ZDHHC21: variants seen among roughly 807,000 people sequenced by gnomAD.
ZDHHC21 encodes the protein palmitoyltransferase ZDHHC21.
ZDHHC21 carries 15 observed loss-of-function variants against 34.6 expected under a neutral mutation model. That is an observed-to-expected ratio of 0.43 (90% CI 0.29 to 0.67). The LOEUF is 0.67. Among genes scored for constraint, ZDHHC21 ranks in the 30% least tolerant of loss-of-function variants. The pLI, the probability that ZDHHC21 is intolerant of heterozygous loss-of-function variation, is 0.14. For missense variants in ZDHHC21, 344 were observed against 327.7 expected, an observed-to-expected ratio of 1.05 and a Z score of -0.38; for synonymous variants, 142 against 101.8, an observed-to-expected ratio of 1.40 and a Z score of -2.38.
chr9:14,596,460 C>T, the ZDHHC21 span, among the ~76,000 whole-genome samples: 1 of 152,216 alleles, frequency 6.6e-6, no homozygotes, highest in Non-Finnish European at 1.5e-5. Context: ...CTTCCACATA[C>T]CTACATGCTG....
At chr9:14,693,175 C>CGGATGG in intron 1 of ZDHHC21, 54 bp downstream of exon 1, 1 of 199,954 alleles carries the variant, frequency 5.0e-6, no homozygotes, top group African/African-American at 4.3e-5. Flanking sequence ...GGTGGGGGTG[C>CGGATGG]GGATGGGGAT....
At chr9:14,628,727 T>C (rs1483675995) in intron 8 of ZDHHC21, among the ~76,000 whole-genome samples, 1 of 152,176 alleles carries the variant, frequency 6.6e-6, no homozygotes, top group African/African-American at 2.4e-5. Context: ...CATGTGCAGA[T>C]GTATAATTTC....
the ZDHHC21 span, among the ~76,000 whole-genome samples, chr9:14,592,263 T>A: frequency 6.6e-6 from 1 of 152,096 alleles, no homozygotes; most frequent in South Asian, 2.1e-4. Context: ...CTCATCACAA[T>A]CTATTCTGGA....
intron 8 of ZDHHC21, among the ~76,000 whole-genome samples, chr9:14,636,102 A>C (rs1272806494): frequency 4.6e-5 from 7 of 152,238 alleles, no homozygotes; most frequent in Admixed American, 4.6e-4. Flanking sequence ...CTACATTTAA[A>C]ACATATAGAC....
intron 2 of ZDHHC21, among the ~76,000 whole-genome samples, chr9:14,685,839 T>A (rs927446164): frequency 6.6e-6 from 1 of 152,020 alleles, no homozygotes; most frequent in Admixed American, 6.5e-5. Context: ...ATTAAGAAAA[T>A]GTGGCACATT....
rs757399912 is a variant in ZDHHC21, at chr9:14,639,926, G to C, written c.591C>G (p.Leu197=). 19 of 1,605,106 alleles carry C rather than the reference G, an allele frequency of 1.2e-5. No individual in the cohort carries two copies. In the African/African-American group the frequency reaches 2.0e-4, roughly 17 times the overall value. The stretch of plus-strand genomic sequence containing the variant: ...TGATGCCAATTAGTTGAGTGTAAAA[G>C]AGTCCAGTTATTCCAACTAACATAG... ...GITMLVGITG[L]FYTQLIGIIT... The change falls in exon 8 of 10, where the codon CTC becomes CTG. Residue 197 remains leucine, a synonymous_variant. Transcript: ENST00000380916.
intron 8 of ZDHHC21, among the ~76,000 whole-genome samples, chr9:14,623,225 G>GT (rs1825617490): frequency 6.6e-6 from 1 of 151,792 alleles, no homozygotes; most frequent in Admixed American, 6.6e-5. Flanking sequence ...AAACAACATA[G>GT]TGAATGGCTG....
chr9:14,636,194 C>T (rs1441938692), intron 8 of ZDHHC21, among the ~76,000 whole-genome samples: 1 of 152,062 alleles, frequency 6.6e-6, no homozygotes, highest in African/African-American at 2.4e-5. Flanking sequence ...TGTAAAGACA[C>T]ATAGACTGAA....
At position 14,674,201 on chromosome 9, in the gene ZDHHC21, C is replaced by A. The variant is rs375522483; in HGVS notation, c.140G>T (p.Gly47Val). 4.0e-6 allele frequency: 6 copies of A among 1,509,398 alleles called. No individual in the cohort carries two copies. Among genetic ancestry groups the A allele is most frequent in the African/African-American group, 1.4e-5 (1 of 69,072 alleles). The allele number at this position is 1,509,398 out of a possible 1,614,324, so 93.5% of individuals were successfully genotyped here. ...FPHYEEGHIP[G>V]ILIIIFYGIS... is the part of the protein sequence containing the mutation. ...AAGAAACTTACTTATTATTAATATG[C>A]CTGGAATATGTCCTTCTTCATAGTG... The change falls in exon 4 of 10, where the codon GGC (glycine) becomes GTC (valine). Residue 47 changes from glycine (G) to valine (V), a missense_variant. By Grantham distance (109) the Gly-to-Val change is moderately radical. Coordinates refer to ENST00000380916, the MANE Select transcript of ZDHHC21 (RefSeq NM_178566.6).
chr9:14,609,182 A>C (rs112547534), downstream of ZDHHC21, among the ~76,000 whole-genome samples: 2 of 148,990 alleles, frequency 1.3e-5, no homozygotes, highest in African/African-American at 5.0e-5. Context: ...ACAGCAAAAA[A>C]CCATTAATTT....
intron 3 of ZDHHC21, among the ~76,000 whole-genome samples, chr9:14,679,661 G>T (rs148415670): frequency 1.3e-5 from 2 of 152,186 alleles, no homozygotes; most frequent in South Asian, 2.1e-4. Context: ...TAACCTAAGA[G>T]ACACTAAACT....
chr9:14,677,392 C>A (rs779376361), intron 3 of ZDHHC21: 1 of 151,930 alleles, frequency 6.6e-6, no homozygotes, highest in Non-Finnish European at 1.5e-5. Flanking sequence ...GACGACAAAC[C>A]ACAAATGCAT....
chr9:14,640,307 GGAAAAAAA>G (rs978110469), intron 7 of ZDHHC21, among the ~76,000 whole-genome samples: 11 of 125,708 alleles, frequency 8.8e-5, no homozygotes, highest in African/African-American at 2.9e-4. Context: ...CCTATTTTGG[GGAAAAAAA>G]AAAAAAAAAA....
rs776093673 is a variant in ZDHHC21 at position 14,614,892 on chromosome 9, G to A, written c.*4074C>T. The A allele has an allele frequency of 6.6e-6, 1 of 151,566 alleles. No homozygotes were observed. The highest frequency in any genetic ancestry group is 6.6e-5 in the Admixed American group (1 of 15,162). 9.4% of individuals were successfully genotyped at this position (151,566 alleles called of 1,614,324 possible). On this transcript the variant is annotated 3_prime_UTR_variant, in exon 10 of 10. Coordinates refer to ENST00000380916, the MANE Select transcript of ZDHHC21 (RefSeq NM_178566.6). Reference sequence around the variant, plus strand: ...ATTCTAGATATATCTATGTATATTAGAGGTCATGTCAGAAACTTATTCAAT... The same window carrying A: ...ATTCTAGATATATCTATGTATATTAAAGGTCATGTCAGAAACTTATTCAAT...
At chr9:14,684,390 C>T (rs548688749) in intron 2 of ZDHHC21, among the ~76,000 whole-genome samples, 1 of 149,874 alleles carries the variant, frequency 6.7e-6, no homozygotes, top group African/African-American at 2.4e-5. Flanking sequence ...AAATCACAAG[C>T]ATTCTTATAC....
chr9:14,683,722 AC>A (rs1433654160), intron 2 of ZDHHC21: 1 of 152,266 alleles, frequency 6.6e-6, no homozygotes, highest in Non-Finnish European at 1.5e-5. Context: ...TCATCCTGAT[AC>A]CAAAGCCTGG....
the ZDHHC21 span, among the ~76,000 whole-genome samples, chr9:14,595,825 C>T: frequency 9.2e-5 from 14 of 152,126 alleles, no homozygotes; most frequent in African/African-American, 3.4e-4. Flanking sequence ...AGTCAATATG[C>T]ACATAAAAGA....
chr9:14,648,698 C>A (rs1000760063), intron 7 of ZDHHC21, among the ~76,000 whole-genome samples: 1 of 152,072 alleles, frequency 6.6e-6, no homozygotes, highest in Non-Finnish European at 1.5e-5. Context: ...TCCTTAAACA[C>A]AGGAACTTTG....
At chr9:14,627,936 C>G (rs551657005) in intron 8 of ZDHHC21, among the ~76,000 whole-genome samples, 1 of 150,570 alleles carries the variant, frequency 6.6e-6, no homozygotes, top group Non-Finnish European at 1.5e-5. Context: ...CAAAAAAAAA[C>G]CAAAAAACAG....
Sources: allele counts gnomAD v4.1 joint callset (sites outside exome capture counted in the v4.1 genomes callset), GRCh38; gene constraint gnomAD v4.1.1; transcripts MANE v1.5; gene names NCBI Gene and HGNC (gene_info 2026-07-23, HGNC 2026-07-21).